The following CR1L variants were observed in gnomAD, a reference collection of about 807,000 sequenced individuals.
CR1L encodes the protein complement component receptor 1-like protein.
A neutral mutation model predicts 62.3 loss-of-function variants in CR1L; 59 were observed. The observed-to-expected ratio is 0.95, with a 90% confidence interval of 0.77 to 1.18. The LOEUF (loss-of-function observed/expected upper bound fraction) is 1.18. Ranked by LOEUF, CR1L falls within the 50% of genes most tolerant of loss-of-function variation. The pLI is 0.00. For missense variants in CR1L, 700 were observed against 702.8 expected (o/e 1.00, Z 0.04); for synonymous variants, 279 against 248.7 (o/e 1.12, Z -1.15).
In CR1L at chr1:207,702,357, A is replaced by ACT. The variant is rs1267852742; in HGVS notation, c.1328+741_1328+742dup. Among the ~76,000 whole-genome samples the ACT allele has an allele frequency of 2.0e-5, 3 of 151,992 alleles. No individual in the cohort carries two copies. The East Asian group carries it at 5.8e-4, about 29-fold the overall frequency. ...CCCCTTCTCTCTCCCTCTCTTCAGG[A>ACT]CTCCCTAATCCCTGAACACAATAAT... On this transcript the variant is annotated intron_variant, in intron 9 of 11. Transcript: ENST00000508064.
chr1:207,653,096 A>G (rs1425818567), intron 1 of CR1L: 1 of 201,670 alleles, frequency 5.0e-6, no homozygotes, highest in Non-Finnish European at 1.0e-5. Flanking sequence ...ATGTCCATGT[A>G]TAGGTGATCC....
At chr1:207,649,040 T>C (rs1351839933) in intron 1 of CR1L, among the ~76,000 whole-genome samples, 2 of 152,206 alleles carry the variant, frequency 1.3e-5, no homozygotes, top group Non-Finnish European at 2.9e-5. Context: ...GAGTCGGCCT[T>C]GTTAACTATT....
chr1:207,701,728 T>G (rs774881741), intron 9 of CR1L, 110 bp downstream of exon 9: 13 of 1,373,312 alleles, frequency 9.5e-6, no homozygotes, highest in African/African-American at 1.4e-5. Flanking sequence ...CTTGAGAGGT[T>G]TGAACACAGG....
chr1:207,669,240 T>A, intron 1 of CR1L: 1 of 427,754 alleles, frequency 2.3e-6, no homozygotes, highest in Admixed American at 3.7e-5. Context: ...GCGAAACTCG[T>A]TAGAAACAAT....
At chr1:207,655,397 G>T in intron 1 of CR1L, 2 of 326,238 alleles carry the variant, frequency 6.1e-6, no homozygotes, top group South Asian at 4.4e-5. Flanking sequence ...CTTTTATGTG[G>T]GTTATATCTG....
chr1:207,700,204 C>G (rs1162741124), intron 8 of CR1L, among the ~76,000 whole-genome samples: 1 of 152,082 alleles, frequency 6.6e-6, no homozygotes, highest in East Asian at 1.9e-4. Context: ...TGTTTATGTT[C>G]TTAGAAATGT....
chr1:207,697,897 G>T, intron 7 of CR1L, 24 bp downstream of exon 7: 1 of 1,613,588 alleles, frequency 6.2e-7, no homozygotes, highest in Non-Finnish European at 8.5e-7. Flanking sequence ...TGCCTGACCT[G>T]CTGGACATTG....
intron 3 of CR1L, among the ~76,000 whole-genome samples, chr1:207,679,257 G>A (rs1430274118): frequency 4.1e-5 from 6 of 144,932 alleles, no homozygotes; most frequent in East Asian, 2.1e-4. Flanking sequence ...CCCACCTCCC[G>A]GCCTCCCAAA....
At position 207,677,510 on chromosome 1, in the gene CR1L, G is replaced by A. The variant is rs753420337; in HGVS notation, c.219G>A (p.Pro73=). 14 of 1,613,848 alleles carry A rather than the reference G, an allele frequency of 8.7e-6. No individual in the cohort carries two copies. The highest frequency in any genetic ancestry group is 5.5e-5 in the South Asian group (5 of 91,074). ...YECRPGYSGR[P]FSIICLKNSV... ...GCCGCCCTGGTTATTCCGGAAGACC[G>A]TTTTCTATCATCTGCCTAAAAAACT... The change falls in exon 2 of 12, where the codon CCG becomes CCA. Residue 73 remains proline (P), a synonymous_variant. Coordinates refer to ENST00000508064, the MANE Select transcript of CR1L (RefSeq NM_175710.2).
intron 1 of CR1L, among the ~76,000 whole-genome samples, chr1:207,659,757 A>G (rs1462447435): frequency 6.6e-6 from 1 of 152,206 alleles, no homozygotes; most frequent in African/African-American, 2.4e-5. Context: ...TAGCCAGGGA[A>G]AGCTGTGAGT....
chr1:207,694,752 G>A lies in CR1L; in HGVS notation c.862+1G>A. Reference sequence around the variant, plus strand: ...CCAGAGTTACCAAGCTGCTCCAGGGGTGAGTCTGACTGAGGCCTAGAAGGG... The same window carrying A: ...CCAGAGTTACCAAGCTGCTCCAGGGATGAGTCTGACTGAGGCCTAGAAGGG... On this transcript the variant is annotated splice_donor_variant, in intron 5 of 11. Coordinates refer to ENST00000508064, the MANE Select transcript of CR1L (RefSeq NM_175710.2). LOFTEE classifies it high-confidence loss of function. The A allele has an allele frequency of 3.1e-6, 5 of 1,611,888 alleles. No homozygotes were observed. The highest frequency in any genetic ancestry group is 1.3e-5 in the African/African-American group (1 of 74,992).
At chr1:207,706,603 CA>C (rs1457054756) in intron 9 of CR1L, among the ~76,000 whole-genome samples, 1 of 152,014 alleles carries the variant, frequency 6.6e-6, no homozygotes, top group Non-Finnish European at 1.5e-5. Flanking sequence ...GTAATACCCG[CA>C]AAAGAAATAA....
At chr1:207,681,342 C>G (rs987545222) in intron 3 of CR1L, among the ~76,000 whole-genome samples, 3 of 152,236 alleles carry the variant, frequency 2.0e-5, no homozygotes, top group Middle Eastern at 6.8e-3. Context: ...CTCTCTTCCC[C>G]AGGAGATCCA....
intron 1 of CR1L, among the ~76,000 whole-genome samples, chr1:207,662,640 C>G (rs1425195326): frequency 6.6e-6 from 1 of 152,190 alleles, no homozygotes; most frequent in African/African-American, 2.4e-5. Context: ...GCCTTCTTCT[C>G]TCAACTCATC....
chr1:207,683,110 C>G (rs2102461721), intron 3 of CR1L, among the ~76,000 whole-genome samples: 1 of 149,640 alleles, frequency 6.7e-6, no homozygotes, highest in South Asian at 2.1e-4. Context: ...CTCTCTCTCT[C>G]CCTCTGACTC....
chr1:207,694,990 T>C (rs1664053972), intron 5 of CR1L, among the ~76,000 whole-genome samples: 1 of 152,270 alleles, frequency 6.6e-6, no homozygotes, highest in African/African-American at 2.4e-5. Flanking sequence ...TAAGCAAATC[T>C]ATTAATTACC....
intron 9 of CR1L, among the ~76,000 whole-genome samples, chr1:207,704,408 A>T (rs1664239338): frequency 6.6e-6 from 1 of 152,226 alleles, no homozygotes; most frequent in Non-Finnish European, 1.5e-5. Flanking sequence ...AAATGACCAC[A>T]AATTTAGAAT....
chr1:207,692,924 C>G (rs1191667284), intron 4 of CR1L, among the ~76,000 whole-genome samples: 1 of 152,210 alleles, frequency 6.6e-6, no homozygotes, highest in African/African-American at 2.4e-5. Flanking sequence ...GCAATTCTAT[C>G]AATCCTATAT....
At chr1:207,672,204 A>G (rs1251990056) in intron 1 of CR1L, among the ~76,000 whole-genome samples, 1 of 150,702 alleles carries the variant, frequency 6.6e-6, no homozygotes, top group Non-Finnish European at 1.5e-5. Flanking sequence ...TACCATGCTA[A>G]TGCTAGTCAC....
Sources: gnomAD v4.1 joint callset for allele counts (sites outside exome capture counted in the v4.1 genomes callset) on GRCh38, gnomAD v4.1.1 for gene constraint, MANE v1.5 for transcripts, NCBI Gene and HGNC (gene_info 2026-07-23, HGNC 2026-07-21) for gene names.